FSTL4: variants seen among roughly 807,000 people sequenced by gnomAD.
FSTL4 encodes the protein follistatin like 4.
A neutral mutation model predicts 78.2 loss-of-function variants in FSTL4; 28 were observed. The observed-to-expected ratio is 0.36, with a 90% CI of 0.27 to 0.49. The LOEUF is 0.49. Among genes scored for constraint, FSTL4 ranks in the 20% least tolerant of loss-of-function variants. FSTL4 has a pLI of 0.98. For synonymous variants in FSTL4, 422 were observed against 440.5 expected (o/e 0.96, Z 0.53); for missense variants, 922 against 1,084.9 (o/e 0.85, Z 2.11).
intron 8 of FSTL4, among the ~76,000 whole-genome samples, chr5:133,226,675 T>TTAAAC (rs1282960501): frequency 6.6e-6 from 1 of 152,224 alleles, no homozygotes; most frequent in Non-Finnish European, 1.5e-5. Context: ...TACCTGCATA[T>TTAAAC]TAAACTAAAC....
chr5:133,530,821 CCAGTG>C (rs1194195974), intron 3 of FSTL4, among the ~76,000 whole-genome samples: 1 of 152,216 alleles, frequency 6.6e-6, no homozygotes, highest in Non-Finnish European at 1.5e-5. Context: ...GCCCCACACC[CCAGTG>C]CAGAGACCTG....
chr5:133,565,430 C>CTT (rs1760005668), intron 3 of FSTL4, among the ~76,000 whole-genome samples: 1 of 152,208 alleles, frequency 6.6e-6, no homozygotes, highest in African/African-American at 2.4e-5. Context: ...GACGTTACAG[C>CTT]ACTGGGCTAT....
chr5:133,649,993 C>G, the FSTL4 span, among the ~76,000 whole-genome samples: 1 of 151,912 alleles, frequency 6.6e-6, no homozygotes, highest in Non-Finnish European at 1.5e-5. Context: ...GTGCTGAAAT[C>G]TGCTTGGCTT....
At chr5:133,538,590 T>C (rs1275499290) in intron 3 of FSTL4, among the ~76,000 whole-genome samples, 6 of 152,192 alleles carry the variant, frequency 3.9e-5, no homozygotes, top group African/African-American at 1.2e-4. Context: ...TCCTTCTATA[T>C]TTCTTATCTG....
At chr5:133,392,997 C>T (rs1234287751) in intron 4 of FSTL4, among the ~76,000 whole-genome samples, 1 of 152,210 alleles carries the variant, frequency 6.6e-6, no homozygotes, top group East Asian at 1.9e-4. Context: ...GGTGCTCACA[C>T]CAAGACAGTT....
chr5:133,343,333 C>T (rs1480846512), intron 4 of FSTL4, among the ~76,000 whole-genome samples: 2 of 152,182 alleles, frequency 1.3e-5, no homozygotes, highest in African/African-American at 4.8e-5. Context: ...CTTGGCTGGG[C>T]TGGACACTCA....
chr5:133,404,721 C>A (rs1373284212), intron 3 of FSTL4, among the ~76,000 whole-genome samples: 2 of 152,132 alleles, frequency 1.3e-5, no homozygotes. Flanking sequence ...GCCCGTCTGA[C>A]CCCGGTGGAA....
intron 7 of FSTL4, among the ~76,000 whole-genome samples, chr5:133,234,097 T>C (rs960603892): frequency 1.3e-5 from 2 of 152,220 alleles, no homozygotes; most frequent in African/African-American, 4.8e-5. Context: ...ACTGAAGTTT[T>C]ATTTAAAGTT....
chr5:133,761,151 A>C, the FSTL4 span, among the ~76,000 whole-genome samples: 7 of 152,370 alleles, frequency 4.6e-5, no homozygotes, highest in African/African-American at 1.4e-4. Context: ...CATTTCTTGC[A>C]ATGTGATTAA....
the FSTL4 span, among the ~76,000 whole-genome samples, chr5:133,638,394 A>G: frequency 6.6e-6 from 1 of 152,178 alleles, no homozygotes; most frequent in East Asian, 1.9e-4. Flanking sequence ...CACTCCAAGG[A>G]AAAGCTCAAG....
chr5:133,416,491 A>G (rs1347977602), intron 3 of FSTL4, among the ~76,000 whole-genome samples: 1 of 152,224 alleles, frequency 6.6e-6, no homozygotes, highest in African/African-American at 2.4e-5. Context: ...CAGGATATTT[A>G]CATAGTCTCA....
chr5:133,412,208 G>C (rs1273658827), intron 3 of FSTL4, among the ~76,000 whole-genome samples: 1 of 152,098 alleles, frequency 6.6e-6, no homozygotes, highest in Non-Finnish European at 1.5e-5. Context: ...ATAAGAGAAA[G>C]AATACTGTAG....
intron 6 of FSTL4, among the ~76,000 whole-genome samples, chr5:133,267,751 G>T (rs1108125): frequency 0.019 from 2,873 of 152,246 alleles, 87 homozygotes; most frequent in African/African-American, 0.066. Context: ...TGCTAGATAG[G>T]TTCCAAGTGG....
chr5:133,430,364 G>A (rs1018188528), intron 3 of FSTL4, among the ~76,000 whole-genome samples: 1 of 152,128 alleles, frequency 6.6e-6, no homozygotes, highest in Non-Finnish European at 1.5e-5. Flanking sequence ...CAGAGGTTAG[G>A]GTTAATGAAA....
At chr5:133,589,222 C>T (rs1458599337) in intron 2 of FSTL4, among the ~76,000 whole-genome samples, 2 of 66,952 alleles carry the variant, frequency 3.0e-5, no homozygotes, top group African/African-American at 9.4e-5. Flanking sequence ...ACCAGCATGG[C>T]ACATGTATAC....
chr5:133,358,383 T>G (rs1754986340), intron 4 of FSTL4, among the ~76,000 whole-genome samples: 1 of 152,044 alleles, frequency 6.6e-6, no homozygotes, highest in Non-Finnish European at 1.5e-5. Context: ...GAAGGCTGAT[T>G]AGAGGAATGA....
chr5:133,231,012 G>A (rs577858908), intron 8 of FSTL4, among the ~76,000 whole-genome samples: 2 of 152,030 alleles, frequency 1.3e-5, no homozygotes, highest in East Asian at 3.9e-4. Context: ...GCGTCCTCCT[G>A]GGCCCACGTT....
chr5:133,305,773 C>G (rs933565662), intron 6 of FSTL4, among the ~76,000 whole-genome samples: 26 of 152,336 alleles, frequency 1.7e-4, no homozygotes, highest in Admixed American at 1.6e-3. Flanking sequence ...TTATGCTTCC[C>G]AACCTCAATT....
intron 3 of FSTL4, among the ~76,000 whole-genome samples, chr5:133,459,955 GA>G (rs1019852792): frequency 3.3e-5 from 5 of 152,154 alleles, no homozygotes; most frequent in Non-Finnish European, 7.3e-5. Context: ...CTGGAGGCAG[GA>G]AACACATGAG....
Sources: allele counts gnomAD v4.1 joint callset (sites outside exome capture counted in the v4.1 genomes callset), GRCh38; gene constraint gnomAD v4.1.1; transcripts MANE v1.5; gene names NCBI Gene and HGNC (gene_info 2026-07-23, HGNC 2026-07-21).